Variants in ADCY2 observed in about 807,000 individuals in gnomAD.
The protein encoded by ADCY2 is adenylate cyclase 2.
A neutral mutation model predicts 125.2 loss-of-function variants in ADCY2; 31 were observed. The ratio of observed to expected loss-of-function variants is 0.25; its 90% CI spans 0.19 to 0.33. The LOEUF (loss-of-function observed/expected upper bound fraction) is 0.33. Ranked by LOEUF, ADCY2 falls within the 10% of genes least tolerant of loss-of-function variation. The pLI is 1.00. For missense variants in ADCY2, 904 were observed against 1,418.2 expected, an observed-to-expected ratio of 0.64 and a Z score of 5.82; for synonymous variants, 512 against 548.4, an observed-to-expected ratio of 0.93 and a Z score of 0.93.
At chr5:7,731,784 G>A (rs192024448) in intron 14 of ADCY2, among the ~76,000 whole-genome samples, 38 of 151,466 alleles carry the variant, frequency 2.5e-4, no homozygotes, top group African/African-American at 6.3e-4. Context: ...TGTATTTTTA[G>A]TAGAGATGGA....
chr5:7,489,370 C>T (rs1299331352), intron 2 of ADCY2, among the ~76,000 whole-genome samples: 1 of 152,190 alleles, frequency 6.6e-6, no homozygotes. Context: ...CCTGGTTCAC[C>T]TTGCCACTCA....
At chr5:7,410,266 A>G (rs552248706) in intron 1 of ADCY2, among the ~76,000 whole-genome samples, 8 of 152,190 alleles carry the variant, frequency 5.3e-5, no homozygotes, top group Non-Finnish European at 1.2e-4. Flanking sequence ...TTTTAATTAA[A>G]TAGAAAGGCA....
chr5:7,521,232 G>A (rs1439788342), intron 3 of ADCY2, among the ~76,000 whole-genome samples: 1 of 152,114 alleles, frequency 6.6e-6, no homozygotes, highest in Non-Finnish European at 1.5e-5. Flanking sequence ...CATTTTTATA[G>A]TGAAGTAACT....
chr5:7,432,423 G>T (rs949967987), intron 2 of ADCY2, among the ~76,000 whole-genome samples: 1 of 152,172 alleles, frequency 6.6e-6, no homozygotes, highest in African/African-American at 2.4e-5. Flanking sequence ...GGGCTTCAGG[G>T]GTCATGGGTT....
chr5:7,482,256 C>T (rs1170984066), intron 2 of ADCY2, among the ~76,000 whole-genome samples: 3 of 152,004 alleles, frequency 2.0e-5, no homozygotes, highest in African/African-American at 7.2e-5. Flanking sequence ...GATCCTTTAC[C>T]CAATTCTTAT....
chr5:7,452,482 TTTTC>T (rs1296725200), intron 2 of ADCY2, among the ~76,000 whole-genome samples: 4 of 152,218 alleles, frequency 2.6e-5, no homozygotes, highest in African/African-American at 9.6e-5. Context: ...GTATATCACA[TTTTC>T]TTTAACCACT....
chr5:7,475,476 G>T (rs1283101775), intron 2 of ADCY2, among the ~76,000 whole-genome samples: 5 of 152,068 alleles, frequency 3.3e-5, no homozygotes, highest in African/African-American at 1.2e-4. Flanking sequence ...CCGTCCCCCG[G>T]GTTTGAGAGA....
intron 2 of ADCY2, among the ~76,000 whole-genome samples, chr5:7,440,102 T>C (rs1740956671): frequency 6.6e-6 from 1 of 152,102 alleles, no homozygotes; most frequent in Admixed American, 6.5e-5. Flanking sequence ...AATTTAAAAA[T>C]GATAAGAATA....
intron 16 of ADCY2, among the ~76,000 whole-genome samples, chr5:7,765,442 T>A (rs1743347919): frequency 6.6e-6 from 1 of 152,200 alleles, no homozygotes; most frequent in Admixed American, 6.5e-5. Context: ...TTTTACAAGT[T>A]CTTTCATCAT....
chr5:7,462,324 GA>G (rs1411712804), intron 2 of ADCY2, among the ~76,000 whole-genome samples: 8 of 152,182 alleles, frequency 5.3e-5, no homozygotes. Flanking sequence ...ACTGGCAGAT[GA>G]AAGTAATAAA....
At chr5:7,568,904 C>T (rs1273289891) in intron 3 of ADCY2, among the ~76,000 whole-genome samples, 1 of 152,118 alleles carries the variant, frequency 6.6e-6, no homozygotes, top group Non-Finnish European at 1.5e-5. Flanking sequence ...TCTAAGTGAA[C>T]ATCTGTAGAC....
In ADCY2 at chr5:7,487,077, C is replaced by G. The variant is rs139740241; in HGVS notation, c.409-33661C>G. Among the ~76,000 whole-genome samples the G allele has an allele frequency of 3.3e-5, 5 of 152,334 alleles. No homozygotes were observed. The East Asian group carries it at 9.7e-4, about 29-fold the overall frequency. On this transcript the variant is annotated intron_variant, in intron 2 of 24. Transcript: ENST00000338316. ...GAGTTCATGCCTGTGAATGAAAGAT[C>G]TGTCTTTCAAGATGTCTTAAAAAGG...
intron 4 of ADCY2, among the ~76,000 whole-genome samples, chr5:7,644,254 T>A (rs986412325): frequency 6.6e-6 from 1 of 152,114 alleles, no homozygotes; most frequent in African/African-American, 2.4e-5. Context: ...CTTCCTAAAT[T>A]TAAAGGCATT....
intron 3 of ADCY2, among the ~76,000 whole-genome samples, chr5:7,586,603 C>T (rs1024642233): frequency 6.6e-6 from 1 of 151,912 alleles, no homozygotes; most frequent in African/African-American, 2.4e-5. Flanking sequence ...TCTAATGAGC[C>T]GCTGACAGGA....
Position 7,569,913 on chromosome 5 carries a change from T to C in ADCY2, c.570+49014T>C, listed in dbSNP as rs1441385887. Among the ~76,000 whole-genome samples the C allele has an allele frequency of 3.9e-5, 6 of 152,300 alleles. No individual in the cohort carries two copies. In the East Asian group the frequency reaches 9.7e-4, roughly 25 times the overall value. ...CACACGTGTATGGGAAAGTTCATTG[T>C]GGTTTGAAAATGAATTTTCAATGGA... is the stretch of plus-strand genomic sequence containing the variant. On this transcript the variant is annotated intron_variant, in intron 3 of 24. Transcript: ENST00000338316.
intron 2 of ADCY2, among the ~76,000 whole-genome samples, chr5:7,488,913 G>A (rs1743047215): frequency 6.6e-6 from 1 of 152,120 alleles, no homozygotes; most frequent in African/African-American, 2.4e-5. Flanking sequence ...GCAACCCCGA[G>A]GGACCCATGA....
intron 16 of ADCY2, among the ~76,000 whole-genome samples, chr5:7,758,878 G>A (rs1044028839): frequency 3.3e-5 from 5 of 152,182 alleles, no homozygotes; most frequent in Admixed American, 3.3e-4. Context: ...TTCATATTAC[G>A]AAGTAGAGAA....
At chr5:7,752,959 T>G (rs907010033) in intron 15 of ADCY2, among the ~76,000 whole-genome samples, 7 of 147,938 alleles carry the variant, frequency 4.7e-5, no homozygotes, top group Admixed American at 3.5e-4. Context: ...AGTACAGTAG[T>G]GCAATCTCAG....
At chr5:7,675,739 A>G (rs1245533079) in intron 4 of ADCY2, among the ~76,000 whole-genome samples, 4 of 152,138 alleles carry the variant, frequency 2.6e-5, no homozygotes, top group Non-Finnish European at 4.4e-5. Context: ...AGCAGCCACA[A>G]CTCTCTAGAA....
Sources: allele counts gnomAD v4.1 joint callset (sites outside exome capture counted in the v4.1 genomes callset), GRCh38; gene constraint gnomAD v4.1.1; transcripts MANE v1.5; gene names NCBI Gene and HGNC (gene_info 2026-07-23, HGNC 2026-07-21).